The following CTNND2 variants were observed in gnomAD, a reference collection of about 807,000 sequenced individuals.
CTNND2 encodes catenin delta 2, also known as catenin delta-2.
A neutral mutation model predicts 144.4 loss-of-function variants in CTNND2; 22 were observed. The ratio of observed to expected loss-of-function variants is 0.15; its 90% confidence interval spans 0.11 to 0.22. CTNND2 has a LOEUF of 0.22. CTNND2 is among the 10% of genes least tolerant of loss of function. The probability of loss-of-function intolerance (pLI) is 1.00; values close to 1 mark genes in which losing one functional copy is unlikely to be tolerated. For synonymous variants in CTNND2, 751 were observed against 695.6 expected, an observed-to-expected ratio of 1.08 and a Z score of -1.25; for missense variants, 1,353 against 1,618.8, an observed-to-expected ratio of 0.84 and a Z score of 2.82.
chr5:11,276,397 A>G (rs549449898), intron 9 of CTNND2, among the ~76,000 whole-genome samples: 2 of 151,890 alleles, frequency 1.3e-5, no homozygotes, highest in South Asian at 2.1e-4. Flanking sequence ...TGAAAACCCA[A>G]CTCTCCTGGT....
intron 2 of CTNND2, among the ~76,000 whole-genome samples, chr5:11,713,755 G>A (rs1786176088): frequency 6.6e-6 from 1 of 151,936 alleles, no homozygotes; most frequent in Admixed American, 6.6e-5. Context: ...ATGTAACACA[G>A]AGCCTTAATT....
chr5:11,034,961 C>T (rs1438961176), intron 16 of CTNND2, among the ~76,000 whole-genome samples: 8 of 151,388 alleles, frequency 5.3e-5, no homozygotes, highest in African/African-American at 7.3e-5. Flanking sequence ...CATGCTGGTG[C>T]GCTGCACCCA....
At chr5:11,628,494 G>A (rs546077935) in intron 2 of CTNND2, among the ~76,000 whole-genome samples, 4 of 152,266 alleles carry the variant, frequency 2.6e-5, no homozygotes, top group African/African-American at 9.6e-5. Context: ...AAGAGTATGT[G>A]ACACAACATG....
At chr5:11,207,319 G>A (rs1254512460) in intron 10 of CTNND2, among the ~76,000 whole-genome samples, 1 of 150,662 alleles carries the variant, frequency 6.6e-6, no homozygotes, top group African/African-American at 2.4e-5. Flanking sequence ...AAACCAACAT[G>A]GCATGTGTAT....
intron 3 of CTNND2, among the ~76,000 whole-genome samples, chr5:11,421,089 T>C (rs1032905033): frequency 2.6e-5 from 4 of 152,068 alleles, no homozygotes; most frequent in Admixed American, 1.3e-4. Flanking sequence ...ATATAGCAGC[T>C]CGTCTGACCT....
chr5:11,166,391 GGCGT>G, intron 11 of CTNND2, among the ~76,000 whole-genome samples: 1 of 151,768 alleles, frequency 6.6e-6, no homozygotes, highest in South Asian at 2.1e-4. Context: ...TGGGACTACA[GGCGT>G]GCACCACCAC....
intron 1 of CTNND2, among the ~76,000 whole-genome samples, chr5:11,749,631 T>G (rs566999613): frequency 6.6e-6 from 1 of 152,172 alleles, no homozygotes; most frequent in Admixed American, 6.6e-5. Context: ...ACATTCTGTC[T>G]GTTTAAAGAT....
At chr5:11,174,433 T>C (rs905874798) in intron 11 of CTNND2, among the ~76,000 whole-genome samples, 1 of 152,216 alleles carries the variant, frequency 6.6e-6, no homozygotes, top group African/African-American at 2.4e-5. Context: ...TAAAAAAATG[T>C]AGTTGCACAA....
intron 5 of CTNND2, among the ~76,000 whole-genome samples, chr5:11,409,768 T>C (rs2149835251): frequency 6.6e-6 from 1 of 152,206 alleles, no homozygotes; most frequent in East Asian, 1.9e-4. Context: ...TGACCATTCC[T>C]TTAATTTCAA....
At chr5:11,367,044 T>C (rs750210368) in intron 7 of CTNND2, among the ~76,000 whole-genome samples, 1 of 152,212 alleles carries the variant, frequency 6.6e-6, no homozygotes, top group African/African-American at 2.4e-5. Flanking sequence ...AAATTAACTA[T>C]CTGAATAGGA....
At chr5:11,247,228 T>C (rs898763698) in intron 9 of CTNND2, among the ~76,000 whole-genome samples, 2 of 152,124 alleles carry the variant, frequency 1.3e-5, no homozygotes, top group East Asian at 3.9e-4. Flanking sequence ...GGGCAGATGG[T>C]GGCTCAGCCC....
chr5:11,641,090 C>T (rs1327983536), intron 2 of CTNND2, among the ~76,000 whole-genome samples: 2 of 152,042 alleles, frequency 1.3e-5, no homozygotes, highest in Non-Finnish European at 2.9e-5. Context: ...GATAGCCATG[C>T]GTGTATTCAA....
chr5:11,018,982 C>T (rs1013285011), intron 17 of CTNND2, among the ~76,000 whole-genome samples: 1 of 152,102 alleles, frequency 6.6e-6, no homozygotes, highest in Non-Finnish European at 1.5e-5. Context: ...GCTGGGATTA[C>T]AGACGTGATC....
intron 1 of CTNND2, among the ~76,000 whole-genome samples, chr5:11,750,722 T>C (rs1788565634): frequency 6.6e-6 from 1 of 151,840 alleles, no homozygotes; most frequent in Non-Finnish European, 1.5e-5. Flanking sequence ...TCAAAAACAG[T>C]AATTTTTATT....
intron 1 of CTNND2, among the ~76,000 whole-genome samples, chr5:11,900,448 T>C (rs1364767616): frequency 6.6e-6 from 1 of 152,244 alleles, no homozygotes; most frequent in Non-Finnish European, 1.5e-5. Context: ...TTTGTGACTA[T>C]AACTGAGTTT....
chr5:11,017,428 T>C (rs941166943), intron 18 of CTNND2, among the ~76,000 whole-genome samples: 5 of 151,962 alleles, frequency 3.3e-5, no homozygotes, highest in African/African-American at 1.2e-4. Context: ...CCAGTAACAC[T>C]GTGAGGTTCT....
chr5:11,694,388 T>C (rs1485488904), intron 2 of CTNND2, among the ~76,000 whole-genome samples: 1 of 150,788 alleles, frequency 6.6e-6, no homozygotes, highest in African/African-American at 2.4e-5. Flanking sequence ...TGAGCCGAGA[T>C]TGCAGCACTG....
In CTNND2 at chr5:11,903,648, G is replaced by C. The variant is rs1188927333; in HGVS notation, c.37+169C>G. On this transcript the variant is annotated intron_variant, in intron 1 of 21. Coordinates refer to ENST00000304623, the MANE Select transcript of CTNND2 (RefSeq NM_001332.4). This position sits in a 1 kb window ranked among gnomAD's most constrained non-coding sequence, Gnocchi z 5.4. ...TTCCAGGCACAGCGGCTTCCGAGGG[G>C]GACCTGGCGCGATCGCGGTCCTCCC... 1.3e-5 allele frequency among the ~76,000 whole-genome samples: 2 copies of C among 152,152 alleles called. No individual in the cohort carries two copies.
At chr5:11,858,609 A>T (rs1310236716) in intron 1 of CTNND2, among the ~76,000 whole-genome samples, 3 of 152,188 alleles carry the variant, frequency 2.0e-5, no homozygotes, top group African/African-American at 7.2e-5. Flanking sequence ...ATCCACGTTT[A>T]ATCAAATAAT....
Sources: gnomAD v4.1 joint callset for allele counts (sites outside exome capture counted in the v4.1 genomes callset) on GRCh38, gnomAD v4.1.1 for gene constraint, Gnocchi (gnomAD v3.1) non-coding constraint, MANE v1.5 for transcripts, NCBI Gene and HGNC (gene_info 2026-07-23, HGNC 2026-07-21) for gene names.